PCNX2: variants seen among roughly 807,000 people sequenced by gnomAD.
The protein encoded by PCNX2 is pecanex 2.
PCNX2 carries 168 observed loss-of-function variants against 223.8 expected under a neutral mutation model. That is an observed-to-expected ratio of 0.75 (90% CI 0.66 to 0.85). The LOEUF is 0.85. PCNX2 is among the 40% of genes least tolerant of loss of function. The pLI is 0.00. For synonymous variants in PCNX2, 1,006 were observed against 1,052.6 expected (o/e 0.96, Z 0.86); for missense variants, 2,507 against 2,675.5 (o/e 0.94, Z 1.39).
At chr1:233,247,704 C>G (rs1017573614) in intron 8 of PCNX2, among the ~76,000 whole-genome samples, 1 of 151,930 alleles carries the variant, frequency 6.6e-6, no homozygotes, top group African/African-American at 2.4e-5. Context: ...ATGGTGAAAC[C>G]CTGTCTCTAC....
In PCNX2 at chr1:233,295,529, C is replaced by G; in HGVS notation, c.-51G>C. 6.8e-7 allele frequency: 1 copy of G among 1,464,488 alleles called. No homozygotes were observed. The highest frequency in any genetic ancestry group is 9.0e-7 in the Non-Finnish European group (1 of 1,107,914). The allele number at this position is 1,464,488 out of a possible 1,614,324, so 90.7% of individuals were successfully genotyped here. On this transcript the variant is annotated 5_prime_UTR_variant, in exon 1 of 34. Coordinates refer to ENST00000258229, the MANE Select transcript of PCNX2 (RefSeq NM_014801.4). The surrounding 1 kb of genome is among the most constrained non-coding windows in gnomAD (Gnocchi z 4.1). The stretch of plus-strand genomic sequence containing the variant: ...GCGCCCCGCTGCACCCTGCGCGCCC[C>G]GGCCGGATCTCCAGGCTCCCTCAGG...
the PCNX2 span, among the ~76,000 whole-genome samples, chr1:233,323,418 T>C: frequency 6.6e-6 from 1 of 152,218 alleles, no homozygotes; most frequent in Non-Finnish European, 1.5e-5. Context: ...ATGCTTCAAA[T>C]TATCGTGGTT....
intron 20 of PCNX2, among the ~76,000 whole-genome samples, chr1:233,137,679 T>TAA (rs1432215540): frequency 6.6e-6 from 1 of 152,208 alleles, no homozygotes; most frequent in Non-Finnish European, 1.5e-5. Flanking sequence ...TACGTGAAGA[T>TAA]AGACTGCACT....
At chr1:233,182,391 T>A (rs1679852813) in intron 15 of PCNX2, among the ~76,000 whole-genome samples, 1 of 152,192 alleles carries the variant, frequency 6.6e-6, no homozygotes, top group African/African-American at 2.4e-5. Context: ...GTCCCAGGAC[T>A]ACTGTTAATG....
intron 25 of PCNX2, among the ~76,000 whole-genome samples, chr1:233,026,926 T>C (rs1264484089): frequency 6.6e-6 from 1 of 152,164 alleles, no homozygotes; most frequent in Non-Finnish European, 1.5e-5. Flanking sequence ...TGGAGATTTA[T>C]AAAATCTAGG....
In PCNX2 at chr1:233,179,156, T is replaced by C. The variant is rs1186011757; in HGVS notation, c.3086A>G (p.His1029Arg). ...GAAGGCCGAAAACAGTGCCGGGATG[T>C]GTTGCATGCTCCACGGTTCCTAAAG... ...SAVKEPWSMQ[H>R]IPALFSAFCG... is the part of the protein sequence containing the mutation. Residue 1029 changes from histidine (H) to arginine (R), a missense_variant, in exon 16 of 34, where the codon CAC becomes CGC. Around this residue, in one of 3 missense-constraint regions of PCNX2, gnomAD observed 1,372 missense variants for 1,509.4 expected, o/e 0.91. Coordinates refer to ENST00000258229, the MANE Select transcript of PCNX2 (RefSeq NM_014801.4). 2 of 1,613,858 alleles carry C rather than the reference T, an allele frequency of 1.2e-6. No individual in the cohort carries two copies. Among genetic ancestry groups the C allele is most frequent in the Non-Finnish European group, 8.5e-7 (1 of 1,179,790 alleles).
At chr1:233,227,078 CT>C (rs957834775) in intron 10 of PCNX2, 147 bp downstream of exon 10, 76 of 848,920 alleles carry the variant, frequency 9.0e-5, no homozygotes, top group Non-Finnish European at 1.2e-4. Context: ...TTGTCAGGAT[CT>C]TTTTGCTTTA....
At chr1:233,071,186 CA>C (rs1672838982) in intron 23 of PCNX2, among the ~76,000 whole-genome samples, 1 of 152,120 alleles carries the variant, frequency 6.6e-6, no homozygotes, top group African/African-American at 2.4e-5. Flanking sequence ...CTTTTAAGTT[CA>C]GGGGTACATA....
chr1:233,120,089 C>T (rs1230744510), intron 21 of PCNX2, among the ~76,000 whole-genome samples: 18 of 149,026 alleles, frequency 1.2e-4, no homozygotes, highest in African/African-American at 4.4e-4. Context: ...ATCTCTTGAA[C>T]CCGGGAGGCA....
At chr1:233,323,907 A>T in the PCNX2 span, among the ~76,000 whole-genome samples, 1 of 152,254 alleles carries the variant, frequency 6.6e-6, no homozygotes, top group Non-Finnish European at 1.5e-5. Context: ...AAAAGCCAAG[A>T]TAGGCTGAAA....
Position 233,200,240 on chromosome 1 carries a change from A to G in PCNX2, c.2888T>C (p.Ile963Thr). The change falls in exon 14 of 34, where the codon ATT becomes ACT. Residue 963 changes from isoleucine to threonine, a missense_variant. Ile to Thr is a moderately conservative substitution (Grantham distance 89). This residue lies in a region of PCNX2 where 1,372 missense variants were observed against 1,509.4 expected (regional missense o/e 0.91). Transcript: ENST00000258229. ...TTGCGGGAAGAGCCCAAGGAGGGAAATAGCAGGGAAGCAATATAAAAATAC... is the reference window on the plus strand; with the variant it reads ...TTGCGGGAAGAGCCCAAGGAGGGAAGTAGCAGGGAAGCAATATAAAAATAC... ...LIVFLYCFPA[I>T]SLLGLFPQIN... The G allele has an allele frequency of 6.3e-7, 1 of 1,584,100 alleles. No individual in the cohort carries two copies. Among genetic ancestry groups the G allele is most frequent in the Non-Finnish European group, 8.6e-7 (1 of 1,164,100 alleles).
chr1:233,079,539 A>T (rs1161430703), intron 23 of PCNX2, among the ~76,000 whole-genome samples: 1 of 151,996 alleles, frequency 6.6e-6, no homozygotes, highest in Non-Finnish European at 1.5e-5. Flanking sequence ...AAAAAAAAAA[A>T]AAAAAAGTAA....
At chr1:233,249,288 CT>C (rs1173504412) in intron 8 of PCNX2, among the ~76,000 whole-genome samples, 1 of 152,170 alleles carries the variant, frequency 6.6e-6, no homozygotes, top group Non-Finnish European at 1.5e-5. Flanking sequence ...TGTAACTTTA[CT>C]TTGGGATAAA....
At chr1:233,243,402 T>C (rs986054449) in intron 8 of PCNX2, among the ~76,000 whole-genome samples, 3 of 152,212 alleles carry the variant, frequency 2.0e-5, no homozygotes, top group African/African-American at 7.2e-5. Flanking sequence ...CAGCCCCAAG[T>C]AGGCATCCTT....
intron 1 of PCNX2, among the ~76,000 whole-genome samples, chr1:233,284,526 T>C (rs1463203847): frequency 1.3e-5 from 2 of 152,164 alleles, no homozygotes; most frequent in Non-Finnish European, 2.9e-5. Context: ...ATCTCCCATC[T>C]TTACTGTACA....
chr1:233,304,064 A>G, the PCNX2 span, among the ~76,000 whole-genome samples: 1 of 152,124 alleles, frequency 6.6e-6, no homozygotes, highest in Non-Finnish European at 1.5e-5. Flanking sequence ...CTTCTTTGGA[A>G]TGATCTATTT....
chr1:233,289,129 TC>T, intron 1 of PCNX2: 1 of 892,244 alleles, frequency 1.1e-6, no homozygotes, highest in Non-Finnish European at 1.9e-6. Context: ...GTACAGCTTT[TC>T]CAAGTTGGCT....
At chr1:233,312,361 T>G in the PCNX2 span, among the ~76,000 whole-genome samples, 2 of 152,172 alleles carry the variant, frequency 1.3e-5, no homozygotes, top group African/African-American at 4.8e-5. Flanking sequence ...TGGATAATTA[T>G]CTAGAAAAAT....
rs562702392 is a variant in PCNX2 at position 233,175,163 on chromosome 1, G to C, written c.3273+2639C>G. On this transcript the variant is annotated intron_variant, in intron 17 of 33. Coordinates refer to ENST00000258229, the MANE Select transcript of PCNX2 (RefSeq NM_014801.4). The stretch of plus-strand genomic sequence containing the variant: ...AGAGAAACAAAATCAGAGACAATGG[G>C]AGGGGGGTTTATGCTTGCACAGTGT... Among the ~76,000 whole-genome samples, 3 of 148,372 alleles carry C rather than the reference G, an allele frequency of 2.0e-5. No homozygotes were observed. The South Asian group carries it at 6.7e-4, about 33-fold the overall frequency.
Sources: gnomAD v4.1 joint callset for allele counts (sites outside exome capture counted in the v4.1 genomes callset) on GRCh38, gnomAD v4.1.1 for gene constraint, gnomAD v4.1.1 regional missense constraint, Gnocchi (gnomAD v3.1) non-coding constraint, MANE v1.5 for transcripts, NCBI Gene and HGNC (gene_info 2026-07-23, HGNC 2026-07-21) for gene names.